EBF1: variants seen among roughly 807,000 people sequenced by gnomAD.
EBF1 encodes transcription factor COE1.
In EBF1, 10 loss-of-function variants were observed where a neutral mutation model predicts 68.4. The observed-to-expected ratio is 0.15, with a 90% CI of 0.09 to 0.25. EBF1 has a LOEUF of 0.25. Ranked by LOEUF, EBF1 falls within the 10% of genes least tolerant of loss-of-function variation. The pLI is 1.00. For synonymous variants in EBF1, 298 were observed against 299.8 expected (o/e 0.99, Z 0.06); for missense variants, 509 against 794.4 (o/e 0.64, Z 4.32).
intron 6 of EBF1, among the ~76,000 whole-genome samples, chr5:158,954,565 G>A (rs1425925889): frequency 2.0e-5 from 3 of 152,290 alleles, no homozygotes; most frequent in Admixed American, 2.0e-4. Flanking sequence ...TACTTGTATT[G>A]GCATTGGCTT....
intron 9 of EBF1, among the ~76,000 whole-genome samples, chr5:158,784,518 A>C (rs1406618810): frequency 2.6e-5 from 4 of 152,200 alleles, no homozygotes; most frequent in Non-Finnish European, 5.9e-5. Context: ...AGCAATTCCA[A>C]GATAAGCCTT....
At chr5:159,070,619 T>A (rs763671788) in intron 6 of EBF1, among the ~76,000 whole-genome samples, 4 of 152,154 alleles carry the variant, frequency 2.6e-5, no homozygotes, top group Non-Finnish European at 5.9e-5. Flanking sequence ...GTCTTTTGAC[T>A]GATAAAAATA....
intron 6 of EBF1, among the ~76,000 whole-genome samples, chr5:158,937,477 A>C (rs1341172477): frequency 6.6e-6 from 1 of 152,176 alleles, no homozygotes; most frequent in Admixed American, 6.5e-5. Context: ...CTCAGGGATG[A>C]CAAAAAGAAC....
intron 8 of EBF1, 149 bp downstream of exon 8, chr5:158,823,027 T>C (rs1370577226): frequency 9.8e-7 from 1 of 1,018,684 alleles, no homozygotes; most frequent in African/African-American, 1.6e-5. Flanking sequence ...CACCATATGT[T>C]GAAGAGAAAA....
At position 158,699,046 on chromosome 5, in the gene EBF1, T is replaced by A; in HGVS notation, c.*65A>T. The stretch of plus-strand genomic sequence containing the variant: ...GTTAAAAGTTCCACTCTGGGACTTG[T>A]ATCAGATTACTCTCTGTAGCAGAAT... On this transcript the variant is annotated 3_prime_UTR_variant, in exon 16 of 16. Coordinates refer to ENST00000313708, the MANE Select transcript of EBF1 (RefSeq NM_024007.5). 1 of 1,464,306 alleles carries A rather than the reference T, an allele frequency of 6.8e-7. No individual in the cohort carries two copies. 90.7% of individuals were successfully genotyped at this position (1,464,306 alleles called of 1,614,324 possible).
At chr5:158,818,869 A>T (rs751080657) in intron 8 of EBF1, among the ~76,000 whole-genome samples, 2 of 151,986 alleles carry the variant, frequency 1.3e-5, no homozygotes, top group African/African-American at 4.8e-5. Context: ...AAAACTCTTG[A>T]CTAATAGTTC....
At chr5:158,794,563 T>G (rs1354567490) in intron 9 of EBF1, among the ~76,000 whole-genome samples, 5 of 152,158 alleles carry the variant, frequency 3.3e-5, no homozygotes, top group Admixed American at 2.0e-4. Context: ...ACAGGAAGCT[T>G]CAGACTAACC....
intron 10 of EBF1, among the ~76,000 whole-genome samples, chr5:158,773,337 C>T (rs948961611): frequency 1.8e-4 from 28 of 152,006 alleles, no homozygotes; most frequent in African/African-American, 3.6e-4. Context: ...AGTATTTCCA[C>T]GAAGAATTCT....
At chr5:158,972,154 T>C (rs1755781196) in intron 6 of EBF1, among the ~76,000 whole-genome samples, 1 of 152,178 alleles carries the variant, frequency 6.6e-6, no homozygotes, top group Non-Finnish European at 1.5e-5. Flanking sequence ...GGGAAGGTGC[T>C]CATCCTGACA....
chr5:158,801,540 T>G (rs1169705869), intron 8 of EBF1, among the ~76,000 whole-genome samples: 2 of 152,036 alleles, frequency 1.3e-5, no homozygotes, highest in Non-Finnish European at 2.9e-5. Context: ...GGTTTAAATT[T>G]CATTTCAGGG....
chr5:158,699,251 C>A, intron 15 of EBF1, 109 bp from the exon 16 acceptor site: 1 of 1,111,664 alleles, frequency 9.0e-7, no homozygotes, highest in South Asian at 1.7e-5. Flanking sequence ...CTATGTTGTT[C>A]GACTATTAGC....
intron 10 of EBF1, among the ~76,000 whole-genome samples, chr5:158,744,049 T>G (rs796959389): frequency 5.8e-4 from 88 of 152,076 alleles, no homozygotes; most frequent in African/African-American, 2.0e-3. Context: ...TGCATACTTG[T>G]AGTCCCAGCT....
chr5:159,089,431 G>C lies in EBF1; in HGVS notation c.412-4692C>G, dbSNP rs192821641. Among the ~76,000 whole-genome samples, 22 of 152,192 alleles carry C rather than the reference G, an allele frequency of 1.4e-4. No homozygotes were observed. The East Asian group carries it at 3.9e-3, about 27-fold the overall frequency. Reference sequence around the variant, plus strand: ...ATACTGTGAAGCGTAGTTCATTCTAGCTTTTCTTAAATACTGCTAGGTCTT... The same window carrying C: ...ATACTGTGAAGCGTAGTTCATTCTACCTTTTCTTAAATACTGCTAGGTCTT... On this transcript the variant is annotated intron_variant, in intron 4 of 15. Coordinates refer to ENST00000313708, the MANE Select transcript of EBF1 (RefSeq NM_024007.5).
chr5:159,099,618 A>T lies in EBF1; in HGVS notation c.-140T>A. ...TTTTTTTCTCAGACGATGAACTCGC[A>T]CTTAGAAGATCAAGGCGGGCTGGAA... is the stretch of plus-strand genomic sequence containing the variant. On this transcript the variant is annotated 5_prime_UTR_variant, in exon 1 of 16. Transcript: ENST00000313708. 7 of 1,208,680 alleles carry T rather than the reference A, an allele frequency of 5.8e-6. No individual in the cohort carries two copies. The highest frequency in any genetic ancestry group is 6.3e-5 in the Admixed American group (2 of 31,972). 74.9% of individuals were successfully genotyped at this position (1,208,680 alleles called of 1,614,324 possible).
chr5:158,925,800 G>A (rs1809575360), intron 6 of EBF1, among the ~76,000 whole-genome samples: 1 of 152,170 alleles, frequency 6.6e-6, no homozygotes, highest in Non-Finnish European at 1.5e-5. Flanking sequence ...AGATGAGTGG[G>A]AATTAATTAC....
At chr5:158,981,380 T>G (rs1757869900) in intron 6 of EBF1, among the ~76,000 whole-genome samples, 1 of 152,200 alleles carries the variant, frequency 6.6e-6, no homozygotes, top group African/African-American at 2.4e-5. Context: ...TTTTATAAAG[T>G]TATGAAAGTA....
At chr5:158,875,052 CACAT>C (rs1437172818) in intron 6 of EBF1, among the ~76,000 whole-genome samples, 2 of 97,400 alleles carry the variant, frequency 2.1e-5, no homozygotes, top group South Asian at 5.4e-4. Flanking sequence ...CACACACACA[CACAT>C]ACACACACAC....
At chr5:158,740,148 A>G (rs1766004811) in intron 10 of EBF1, among the ~76,000 whole-genome samples, 1 of 152,176 alleles carries the variant, frequency 6.6e-6, no homozygotes, top group Non-Finnish European at 1.5e-5. Flanking sequence ...GACATAGTGG[A>G]GCTGAATTTC....
intron 6 of EBF1, among the ~76,000 whole-genome samples, chr5:158,966,124 T>C (rs960160638): frequency 6.6e-6 from 1 of 152,212 alleles, no homozygotes; most frequent in Admixed American, 6.5e-5. Flanking sequence ...AGAAGTAACA[T>C]TGGTTGCTTC....
Sources: gnomAD v4.1 joint callset for allele counts (sites outside exome capture counted in the v4.1 genomes callset) on GRCh38, gnomAD v4.1.1 for gene constraint, MANE v1.5 for transcripts, NCBI Gene and HGNC (gene_info 2026-07-23, HGNC 2026-07-21) for gene names.